The following PSTPIP1 variants were observed in gnomAD, a reference collection of about 807,000 sequenced individuals.
PSTPIP1 encodes proline-serine-threonine phosphatase interacting protein 1.
A neutral mutation model predicts 69.6 loss-of-function variants in PSTPIP1; 66 were observed. The ratio of observed to expected loss-of-function variants is 0.95; its 90% confidence interval spans 0.78 to 1.16. PSTPIP1 has a LOEUF of 1.16. Among genes scored for constraint, PSTPIP1 ranks in the 50% most tolerant of loss-of-function variants. The probability of loss-of-function intolerance (pLI) is 0.00; values close to 1 mark genes in which losing one functional copy is unlikely to be tolerated. For synonymous variants in PSTPIP1, 266 were observed against 222.7 expected (o/e 1.19, Z -1.73); for missense variants, 603 against 557.4 (o/e 1.08, Z -0.82).
At chr15:77,032,785 A>G in intron 11 of PSTPIP1, 77 bp from the exon 12 acceptor site, 1 of 1,289,486 alleles carries the variant, frequency 7.8e-7, no homozygotes, top group Non-Finnish European at 1.1e-6. Flanking sequence ...TTGGGAATGT[A>G]GGGCCCCAGC....
chr15:77,003,587 T>C (rs1596048793), intron 1 of PSTPIP1, among the ~76,000 whole-genome samples: 2 of 149,750 alleles, frequency 1.3e-5, no homozygotes, highest in Non-Finnish European at 3.0e-5. Flanking sequence ...ACCCAGGAGG[T>C]GGAGGTTGCA....
Position 77,035,507 on chromosome 15 carries a change from G to T in PSTPIP1, c.930-1G>T. Reference sequence around the variant, plus strand: ...TCACCCTCTTTCCTCCCTGTTCCCAGGTTCTCTGGACTGCTGCACGGAAGT... The same window carrying T: ...TCACCCTCTTTCCTCCCTGTTCCCATGTTCTCTGGACTGCTGCACGGAAGT... On this transcript the variant is annotated splice_acceptor_variant, in intron 12 of 14. Coordinates refer to ENST00000558012, the MANE Select transcript of PSTPIP1 (RefSeq NM_003978.5). LOFTEE classifies it high-confidence loss of function. 6.3e-7 allele frequency: 1 copy of T among 1,589,886 alleles called. No homozygotes were observed. The highest frequency in any genetic ancestry group is 2.3e-5 in the East Asian group (1 of 43,692).
At chr15:77,036,042 ATCT>A in intron 14 of PSTPIP1, 107 bp downstream of exon 14, 1 of 1,366,298 alleles carries the variant, frequency 7.3e-7, no homozygotes, top group Non-Finnish European at 9.7e-7. Context: ...GGTTTCACTC[ATCT>A]TCGAGCATCC....
chr15:77,036,030 A>G, intron 14 of PSTPIP1, 95 bp downstream of exon 14: 1 of 1,409,472 alleles, frequency 7.1e-7, no homozygotes, highest in African/African-American at 1.4e-5. Flanking sequence ...ATCTCTCCTC[A>G]TGGTTTCACT....
chr15:77,022,600 GCCCCCAGATCCT>G (rs1205951039), intron 3 of PSTPIP1, among the ~76,000 whole-genome samples: 3 of 152,160 alleles, frequency 2.0e-5, no homozygotes, highest in African/African-American at 7.2e-5. Flanking sequence ...ACTTTATGTG[GCCCCCAGATCCT>G]CCCCAAGATC....
intron 1 of PSTPIP1, among the ~76,000 whole-genome samples, chr15:77,014,799 G>C (rs2076017813): frequency 6.6e-6 from 1 of 152,254 alleles, no homozygotes; most frequent in Non-Finnish European, 1.5e-5. Flanking sequence ...GACAGAACAG[G>C]GCACCCAGGC....
In PSTPIP1 at chr15:76,995,254, T is replaced by C. The variant is rs1389451172; in HGVS notation, c.-320T>C. Reference sequence around the variant, plus strand: ...TGGCATCCCTGCTCCCTGCCCTGGGTCCCAGACTGTGTCCTCCATCACCGC... The same window carrying C: ...TGGCATCCCTGCTCCCTGCCCTGGGCCCCAGACTGTGTCCTCCATCACCGC... On this transcript the variant is annotated 5_prime_UTR_variant, in exon 1 of 15. Coordinates refer to ENST00000558012, the MANE Select transcript of PSTPIP1 (RefSeq NM_003978.5). 2 of 1,285,538 alleles carry C rather than the reference T, an allele frequency of 1.6e-6. No individual in the cohort carries two copies. Among genetic ancestry groups the C allele is most frequent in the African/African-American group, 1.5e-5 (1 of 66,298 alleles). The allele number at this position is 1,285,538 out of a possible 1,614,324, so 79.6% of individuals were successfully genotyped here.
At chr15:77,030,475 C>T in intron 8 of PSTPIP1, 27 bp from the exon 9 acceptor site, 1 of 1,606,638 alleles carries the variant, frequency 6.2e-7, no homozygotes, top group Non-Finnish European at 8.5e-7. Flanking sequence ...GTGTCAGGGC[C>T]CTCCCTGAGG....
chr15:77,001,071 T>C (rs1454816718), intron 1 of PSTPIP1, among the ~76,000 whole-genome samples: 3 of 152,188 alleles, frequency 2.0e-5, no homozygotes, highest in African/African-American at 7.2e-5. Context: ...GCTGCACAGT[T>C]CTCTAGCTTG....
intron 1 of PSTPIP1, among the ~76,000 whole-genome samples, chr15:77,000,460 G>GATATATATATATATATATATATATAT (rs1045472754): frequency 7.1e-6 from 1 of 141,694 alleles, no homozygotes; most frequent in African/African-American, 2.6e-5. Context: ...TTTAAAGAGA[G>GATATATATATATATATATATATATAT]ATATATATAT....
intron 3 of PSTPIP1, among the ~76,000 whole-genome samples, chr15:77,021,398 A>G (rs2076157884): frequency 6.6e-6 from 1 of 152,224 alleles, no homozygotes; most frequent in African/African-American, 2.4e-5. Flanking sequence ...TGCATTTTAA[A>G]GACAGCATTA....
rs781341816 is a variant in PSTPIP1, at chr15:77,031,219, C to T, written c.682C>T (p.Arg228Cys). ...AGAGTTTGACCGGCTGACCATTCTCCGCAACGCCCTGTGGGTGCACAGCAA... is the reference window on the plus strand; with the variant it reads ...AGAGTTTGACCGGCTGACCATTCTCTGCAACGCCCTGTGGGTGCACAGCAA... ...LQEFDRLTIL[R>C]NALWVHSNQL... The change falls in exon 10 of 15, where the codon CGC (arginine) becomes TGC (cysteine). Residue 228 changes from arginine (R) to cysteine (C), a missense_variant. Physicochemically the swap from Arg to Cys is radical, Grantham distance 180. Transcript: ENST00000558012. 3.2e-5 allele frequency: 51 copies of T among 1,612,970 alleles called. No individual in the cohort carries two copies. Among genetic ancestry groups the T allele is most frequent in the Non-Finnish European group, 4.2e-5 (49 of 1,179,698 alleles).
intron 12 of PSTPIP1, 26 bp from the exon 13 acceptor site, chr15:77,035,482 T>C (rs1373948488): frequency 6.3e-7 from 1 of 1,578,056 alleles, no homozygotes; most frequent in Middle Eastern, 1.7e-4. Flanking sequence ...GCGGGGACAC[T>C]CACCCTCTTT....
intron 3 of PSTPIP1, among the ~76,000 whole-genome samples, chr15:77,019,120 G>A (rs548144725): frequency 4.7e-4 from 71 of 152,336 alleles, no homozygotes; most frequent in Admixed American, 9.8e-4. Flanking sequence ...CAGGGAAGTG[G>A]CTCTGATGAA....
At chr15:77,033,058 G>A in intron 12 of PSTPIP1, 106 bp downstream of exon 12, 1 of 1,133,330 alleles carries the variant, frequency 8.8e-7, no homozygotes, top group Non-Finnish European at 1.3e-6. Flanking sequence ...CCTACTATGT[G>A]TCTGTATCTG....
In PSTPIP1 at chr15:77,032,353, A is replaced by G. The variant is rs1333618864; in HGVS notation, c.797A>G (p.Asp266Gly). ...LEGCSIDADI[D>G]SFIQAKSTGT... The stretch of plus-strand genomic sequence containing the variant: ...GGCTGCAGCATAGACGCCGACATCG[A>G]CAGTTTCATCCAGGCCAAGAGCACG... Residue 266 changes from aspartate (D) to glycine (G), a missense_variant, in exon 11 of 15, where the codon GAC (aspartate) becomes GGC (glycine). Asp to Gly is a moderately conservative substitution (Grantham distance 94, BLOSUM62 -1). Transcript: ENST00000558012. 1 of 1,612,554 alleles carries G rather than the reference A, an allele frequency of 6.2e-7. No individual in the cohort carries two copies. The highest frequency in any genetic ancestry group is 8.5e-7 in the Non-Finnish European group (1 of 1,179,796).
chr15:77,018,420 G>C (rs1043071251), intron 2 of PSTPIP1, 37 bp from the exon 3 acceptor site: 3 of 1,555,842 alleles, frequency 1.9e-6, no homozygotes, highest in African/African-American at 2.7e-5. Flanking sequence ...GAGGTGGCAA[G>C]TCACTGATGA....
chr15:77,029,619 G>T, intron 8 of PSTPIP1, 45 bp downstream of exon 8: 1 of 1,543,312 alleles, frequency 6.5e-7, no homozygotes, highest in Non-Finnish European at 8.8e-7. Flanking sequence ...GGAGGCCTGG[G>T]CGGTACTCCC....
At chr15:77,008,618 C>A (rs1376620710) in intron 1 of PSTPIP1, among the ~76,000 whole-genome samples, 2 of 152,166 alleles carry the variant, frequency 1.3e-5, no homozygotes, top group East Asian at 3.8e-4. Context: ...TCATGTTGAC[C>A]AGGCTTGTCT....
Sources: gnomAD v4.1 joint callset for allele counts (sites outside exome capture counted in the v4.1 genomes callset) on GRCh38, gnomAD v4.1.1 for gene constraint, MANE v1.5 for transcripts, NCBI Gene and HGNC (gene_info 2026-07-23, HGNC 2026-07-21) for gene names.